Variants in FBXL5 observed in about 807,000 individuals in gnomAD.
The protein encoded by FBXL5 is F-box/LRR-repeat protein 5.
In FBXL5, 26 loss-of-function variants were observed where a neutral mutation model predicts 78.3. That is an observed-to-expected ratio of 0.33 (90% CI 0.24 to 0.46). The LOEUF is 0.46. Ranked by LOEUF, FBXL5 falls within the 20% of genes least tolerant of loss-of-function variation. The pLI, the probability that FBXL5 is intolerant of heterozygous loss-of-function variation, is 1.00. For synonymous variants in FBXL5, 295 were observed against 282.5 expected (o/e 1.04, Z -0.45); for missense variants, 710 against 829.2 (o/e 0.86, Z 1.77).
intron 4 of FBXL5, among the ~76,000 whole-genome samples, chr4:15,637,902 T>A (rs11942094): frequency 0.015 from 2,170 of 144,840 alleles, 48 homozygotes; most frequent in African/African-American, 0.052. Context: ...CTAGTTTTTT[T>A]AAAAAAAAAA....
intron 9 of FBXL5, among the ~76,000 whole-genome samples, chr4:15,616,132 C>T (rs4524378): frequency 0.31 from 46,933 of 151,808 alleles, 7,462 homozygotes; most frequent in Middle Eastern, 0.43. Flanking sequence ...GACCACAAAC[C>T]CACCAGATGC....
At chr4:15,641,581 T>G (rs1714881211) in intron 2 of FBXL5, 1 of 457,376 alleles carries the variant, frequency 2.2e-6, no homozygotes, top group Non-Finnish European at 4.4e-6. Flanking sequence ...TAATTGTTAT[T>G]CGATTGTTTT....
At chr4:15,613,216 A>T (rs544969101) in intron 9 of FBXL5, among the ~76,000 whole-genome samples, 1 of 152,178 alleles carries the variant, frequency 6.6e-6, no homozygotes, top group Non-Finnish European at 1.5e-5. Flanking sequence ...GTGACTGCTA[A>T]TAAGTATGGG....
chr4:15,625,590 A>G lies in FBXL5; in HGVS notation c.1512T>C (p.Leu504=). 1 of 1,614,214 alleles carries G rather than the reference A, an allele frequency of 6.2e-7. No homozygotes were observed. Among genetic ancestry groups the G allele is most frequent in the East Asian group, 2.2e-5 (1 of 44,884 alleles). Residue 504 remains leucine (L), a synonymous_variant, in exon 9 of 11, where the codon CTT becomes CTC. Transcript: ENST00000341285. ...VEWRHRNVES[L]CVMETASNFS... is the part of the protein sequence containing the mutation. ...AGTTGGATGCTGTTTCCATTACACA[A>G]AGACTTTCAACATTTCTATGTCTCC... is the stretch of plus-strand genomic sequence containing the variant.
At chr4:15,644,937 A>G (rs1442174470) in intron 1 of FBXL5, among the ~76,000 whole-genome samples, 1 of 152,220 alleles carries the variant, frequency 6.6e-6, no homozygotes. Context: ...GTGACACAGA[A>G]AAATGATATG....
At chr4:15,621,283 A>C (rs1000257884) in intron 9 of FBXL5, among the ~76,000 whole-genome samples, 1 of 152,250 alleles carries the variant, frequency 6.6e-6, no homozygotes. Context: ...ATCAACATGC[A>C]AAACTCAGTT....
Position 15,605,661 on chromosome 4 carries a change from T to TA in FBXL5, c.*61dup. On this transcript the variant is annotated 3_prime_UTR_variant, in exon 11 of 11. Transcript: ENST00000341285. Reference sequence around the variant, plus strand: ...GTTAACACAAGAAATGTGCTATGAGTAAAGTGCATGAAAGAAAGCCTGCTC... The same window carrying TA: ...GTTAACACAAGAAATGTGCTATGAGTAAAAGTGCATGAAAGAAAGCCTGCTC... 1 of 1,405,630 alleles carries TA rather than the reference T, an allele frequency of 7.1e-7. No individual in the cohort carries two copies. The highest frequency in any genetic ancestry group is 1.0e-6 in the Non-Finnish European group (1 of 996,182). 87.1% of individuals were successfully genotyped at this position (1,405,630 alleles called of 1,614,324 possible). A position where few individuals can be genotyped will look rare whatever the true frequency, so the allele number is the denominator to read the frequency against.
At chr4:15,653,920 A>G (rs1001609001) in intron 1 of FBXL5, among the ~76,000 whole-genome samples, 2 of 152,214 alleles carry the variant, frequency 1.3e-5, no homozygotes, top group African/African-American at 4.8e-5. Context: ...AATAGTTTTT[A>G]GTTTAAGGCT....
chr4:15,668,400 CAG>C (rs1324426854), intron 1 of FBXL5, among the ~76,000 whole-genome samples: 4 of 151,764 alleles, frequency 2.6e-5, no homozygotes, highest in Non-Finnish European at 5.9e-5. Context: ...AGTGACAAAA[CAG>C]AGAAAAGTGT....
intron 1 of FBXL5, among the ~76,000 whole-genome samples, chr4:15,669,288 A>G (rs1247914696): frequency 6.6e-6 from 1 of 152,204 alleles, no homozygotes; most frequent in Admixed American, 6.5e-5. Flanking sequence ...TACTGTAGGC[A>G]ATTGTAACAC....
At chr4:15,615,599 C>T (rs1253923788) in intron 9 of FBXL5, among the ~76,000 whole-genome samples, 5 of 148,428 alleles carry the variant, frequency 3.4e-5, no homozygotes, top group Non-Finnish European at 1.5e-5. Flanking sequence ...ACACACCAAT[C>T]AGCACCCTGT....
chr4:15,623,025 C>A (rs1712642496), intron 9 of FBXL5, among the ~76,000 whole-genome samples: 1 of 152,102 alleles, frequency 6.6e-6, no homozygotes, highest in South Asian at 2.1e-4. Flanking sequence ...TAATGAAGTG[C>A]CAAAAATCAT....
At position 15,625,366 on chromosome 4, in the gene FBXL5, G is replaced by T; in HGVS notation, c.1736C>A (p.Pro579His). 6.2e-7 allele frequency: 1 copy of T among 1,614,128 alleles called. No homozygotes were observed. The highest frequency in any genetic ancestry group is 8.5e-7 in the Non-Finnish European group (1 of 1,180,032). The change falls in exon 9 of 11, where the codon CCT becomes CAT. Residue 579 changes from proline (P) to histidine (H), a missense_variant. This residue lies in a region of FBXL5 where 517 missense variants were observed against 542.9 expected (regional missense o/e 0.95). Transcript: ENST00000341285. ...AAAGTAAATTAAGTCTTTTCCCCTA[G>T]GCAATCTAGTCCTTGCTGCTTTTCT... ...MCRKAARTRL[P>H]RGKDLIYFGS...
At chr4:15,634,875 GA>G (rs1282806436) in intron 5 of FBXL5, among the ~76,000 whole-genome samples, 1 of 151,844 alleles carries the variant, frequency 6.6e-6, no homozygotes, top group African/African-American at 2.4e-5. Flanking sequence ...TTTTAAGCCA[GA>G]AAAAATATTT....
intron 1 of FBXL5, among the ~76,000 whole-genome samples, chr4:15,644,927 G>T (rs1218670329): frequency 6.6e-6 from 1 of 152,148 alleles, no homozygotes; most frequent in Non-Finnish European, 1.5e-5. Flanking sequence ...GGAGGGCCTG[G>T]TGACACAGAA....
chr4:15,624,903 G>A (rs1482800803), intron 9 of FBXL5, among the ~76,000 whole-genome samples: 1 of 152,114 alleles, frequency 6.6e-6, no homozygotes, highest in African/African-American at 2.4e-5. Context: ...ATAATACACA[G>A]CAACAGAATA....
At chr4:15,650,665 T>C (rs1211096951) in intron 1 of FBXL5, among the ~76,000 whole-genome samples, 2 of 115,806 alleles carry the variant, frequency 1.7e-5, no homozygotes, top group Non-Finnish European at 2.0e-5. Flanking sequence ...GACTTTCTTT[T>C]TTTTTTTTTT....
chr4:15,670,592 T>C lies in FBXL5; in HGVS notation c.-283-10670A>G, dbSNP rs191724359. ...TTAACTGGGATGCATATATAGCCAG[T>C]GGTTCTCAACTGAAGGCAGTTTTAT... On this transcript the variant is annotated intron_variant, in intron 1 of 4. Transcript: ENST00000507899. Among the ~76,000 whole-genome samples, 359 of 152,312 alleles carry C rather than the reference T, an allele frequency of 2.4e-3. 3 individuals carry two copies. Among genetic ancestry groups the C allele is most frequent in the Non-Finnish European group, 6.9e-4 (47 of 68,030 alleles).
chr4:15,664,120 C>T (rs1717430363), upstream of FBXL5, among the ~76,000 whole-genome samples: 1 of 152,198 alleles, frequency 6.6e-6, no homozygotes, highest in Non-Finnish European at 1.5e-5. Context: ...TTTTAGGTAA[C>T]ACACAATACT....
Sources: allele counts gnomAD v4.1 joint callset (sites outside exome capture counted in the v4.1 genomes callset), GRCh38; gene constraint gnomAD v4.1.1; regional missense constraint gnomAD v4.1.1; transcripts MANE v1.5; gene names NCBI Gene and HGNC (gene_info 2026-07-23, HGNC 2026-07-21).